The following DLG2 variants were observed in gnomAD, a reference collection of about 807,000 sequenced individuals.
DLG2 encodes disks large homolog 2.
In DLG2, 45 loss-of-function variants were observed where a neutral mutation model predicts 132.5. The ratio of observed to expected loss-of-function variants is 0.34; its 90% CI spans 0.27 to 0.44. The LOEUF (loss-of-function observed/expected upper bound fraction) is 0.44, where lower values mean the gene tolerates loss of function less well. Among genes scored for constraint, DLG2 ranks in the 20% least tolerant of loss-of-function variants. The pLI is 1.00. For missense variants in DLG2, 1,045 were observed against 1,196.9 expected (o/e 0.87, Z 1.87); for synonymous variants, 424 against 419.6 (o/e 1.01, Z -0.13).
chr11:83,919,197 G>A (rs2625520), intron 15 of DLG2, among the ~76,000 whole-genome samples: 29,388 of 152,134 alleles, frequency 0.19, 2,949 homozygotes, highest in East Asian at 0.31. Context: ...AAATCTGGTA[G>A]AGGCTCTGTT....
chr11:84,170,857 T>C (rs2095803546), intron 8 of DLG2, among the ~76,000 whole-genome samples: 1 of 152,170 alleles, frequency 6.6e-6, no homozygotes, highest in South Asian at 2.1e-4. Flanking sequence ...TCTTCCCATC[T>C]AGTGCACCTG....
intron 21 of DLG2, among the ~76,000 whole-genome samples, chr11:83,492,045 G>A (rs1334862439): frequency 3.3e-5 from 5 of 152,056 alleles, no homozygotes; most frequent in African/African-American, 1.2e-4. Flanking sequence ...TAGTGCTACA[G>A]CAGCAGAATT....
chr11:84,172,205 T>C (rs2095840715), intron 8 of DLG2, among the ~76,000 whole-genome samples: 1 of 152,384 alleles, frequency 6.6e-6, no homozygotes, highest in East Asian at 1.9e-4. Context: ...CTGGTTATTT[T>C]ATGAATACTA....
At chr11:84,931,347 G>C (rs921083779) in intron 6 of DLG2, among the ~76,000 whole-genome samples, 3 of 151,928 alleles carry the variant, frequency 2.0e-5, no homozygotes, top group African/African-American at 7.3e-5. Flanking sequence ...GAATGTCTTT[G>C]TGTCATTCCC....
At chr11:84,579,732 G>A (rs1434369939) in intron 6 of DLG2, among the ~76,000 whole-genome samples, 2 of 152,166 alleles carry the variant, frequency 1.3e-5, no homozygotes, top group African/African-American at 4.8e-5. Context: ...CCATAAACTA[G>A]GGAAGTATGC....
chr11:85,133,399 T>C (rs1007201586), intron 5 of DLG2, among the ~76,000 whole-genome samples: 11 of 152,124 alleles, frequency 7.2e-5, no homozygotes, highest in Non-Finnish European at 5.9e-5. Flanking sequence ...ACTCGAAAGA[T>C]ATGACTGAAA....
intron 21 of DLG2, among the ~76,000 whole-genome samples, chr11:83,485,113 A>T: frequency 7.3e-6 from 1 of 136,848 alleles, no homozygotes; most frequent in East Asian, 2.3e-4. Flanking sequence ...CTAGATTCTG[A>T]TCAGGTAAAA....
chr11:84,114,968 G>A (rs999731471), intron 9 of DLG2, among the ~76,000 whole-genome samples: 1 of 151,876 alleles, frequency 6.6e-6, no homozygotes, highest in African/African-American at 2.4e-5. Context: ...CCTCACCTGG[G>A]CTGACTTCAC....
intron 6 of DLG2, among the ~76,000 whole-genome samples, chr11:84,935,559 C>G (rs2048639727): frequency 6.6e-6 from 1 of 152,184 alleles, no homozygotes; most frequent in Non-Finnish European, 1.5e-5. Flanking sequence ...AGGTCTGGAA[C>G]AGTGGCTGTC....
intron 11 of DLG2, among the ~76,000 whole-genome samples, chr11:84,002,819 A>C (rs950556426): frequency 1.3e-5 from 2 of 152,070 alleles, no homozygotes; most frequent in Non-Finnish European, 2.9e-5. Context: ...TCATTATGAA[A>C]ATTTCTGCAG....
At chr11:84,904,221 A>G (rs2091251687) in intron 6 of DLG2, among the ~76,000 whole-genome samples, 1 of 152,200 alleles carries the variant, frequency 6.6e-6, no homozygotes, top group African/African-American at 2.4e-5. Context: ...CCTCTGGAAC[A>G]TAATGGTGCA....
chr11:85,005,472 T>G (rs1411626166), intron 6 of DLG2, among the ~76,000 whole-genome samples: 1 of 152,230 alleles, frequency 6.6e-6, no homozygotes, highest in Non-Finnish European at 1.5e-5. Context: ...CCTAGGTATT[T>G]AATTCTCTTT....
chr11:85,608,405 C>G (rs893718261), intron 2 of DLG2, among the ~76,000 whole-genome samples: 1 of 152,148 alleles, frequency 6.6e-6, no homozygotes, highest in African/African-American at 2.4e-5. Context: ...ACTTACAATA[C>G]TATCCTGCAG....
At chr11:85,147,552 A>G (rs1555385020) in intron 5 of DLG2, among the ~76,000 whole-genome samples, 1 of 152,202 alleles carries the variant, frequency 6.6e-6, no homozygotes, top group Non-Finnish European at 1.5e-5. Context: ...TATCTAATAT[A>G]TGACTTGCAA....
chr11:85,577,195 T>G (rs138715929), intron 3 of DLG2, among the ~76,000 whole-genome samples: 64 of 152,282 alleles, frequency 4.2e-4, no homozygotes, highest in African/African-American at 1.5e-3. Context: ...TCACTCTGTA[T>G]GCTATGCAGA....
At chr11:85,419,018 G>A (rs574959309) in intron 3 of DLG2, among the ~76,000 whole-genome samples, 43 of 152,184 alleles carry the variant, frequency 2.8e-4, no homozygotes, top group South Asian at 6.2e-4. Flanking sequence ...TCATAGTGTC[G>A]ATGGTATTTA....
chr11:84,801,496 C>T (rs191940390), intron 6 of DLG2, among the ~76,000 whole-genome samples: 23 of 152,152 alleles, frequency 1.5e-4, no homozygotes, highest in African/African-American at 5.3e-4. Context: ...GCGTGAAGGG[C>T]GCTTGCAGTG....
At chr11:84,340,119 G>A (rs1393625350) in intron 7 of DLG2, among the ~76,000 whole-genome samples, 2 of 152,196 alleles carry the variant, frequency 1.3e-5, no homozygotes, top group Non-Finnish European at 2.9e-5. Flanking sequence ...TTGCAGGAGA[G>A]TCTGGTTTAT....
At chr11:84,568,319 T>C (rs2099465863) in intron 6 of DLG2, among the ~76,000 whole-genome samples, 1 of 152,050 alleles carries the variant, frequency 6.6e-6, no homozygotes, top group Admixed American at 6.6e-5. Context: ...GACTATCCTG[T>C]GCTAGGTGGC....
Sources: gnomAD v4.1 joint callset for allele counts (sites outside exome capture counted in the v4.1 genomes callset) on GRCh38, gnomAD v4.1.1 for gene constraint, MANE v1.5 for transcripts, NCBI Gene and HGNC (gene_info 2026-07-23, HGNC 2026-07-21) for gene names.